The following NLGN1 variants were observed in gnomAD, a reference collection of about 807,000 sequenced individuals.
NLGN1 encodes neuroligin 1, also known as neuroligin-1.
A neutral mutation model predicts 65.5 loss-of-function variants in NLGN1; 12 were observed. The observed-to-expected ratio is 0.18, with a 90% CI of 0.12 to 0.30. The LOEUF (loss-of-function observed/expected upper bound fraction) is 0.30, where lower values mean the gene tolerates loss of function less well. Among genes scored for constraint, NLGN1 ranks in the 10% least tolerant of loss-of-function variants. The probability of loss-of-function intolerance (pLI) is 1.00; values close to 1 mark genes in which losing one functional copy is unlikely to be tolerated. For synonymous variants in NLGN1, 350 were observed against 359.5 expected (o/e 0.97, Z 0.30); for missense variants, 750 against 1,007.1 (o/e 0.74, Z 3.46).
chr3:173,501,161 T>C (rs1463707322), intron 2 of NLGN1, among the ~76,000 whole-genome samples: 1 of 152,116 alleles, frequency 6.6e-6, no homozygotes, highest in African/African-American at 2.4e-5. Context: ...GCAGGTTTGT[T>C]ACTTAGTGCC....
At chr3:174,147,714 C>T (rs939848404) in intron 4 of NLGN1, among the ~76,000 whole-genome samples, 3 of 151,860 alleles carry the variant, frequency 2.0e-5, no homozygotes, top group African/African-American at 7.3e-5. Context: ...CTGGATCTGG[C>T]CGAAAACGTG....
intron 3 of NLGN1, among the ~76,000 whole-genome samples, chr3:173,672,664 T>A (rs1448924214): frequency 6.6e-6 from 1 of 152,198 alleles, no homozygotes; most frequent in Non-Finnish European, 1.5e-5. Context: ...TCTTCCTCTT[T>A]CTTCTCTCCT....
intron 3 of NLGN1, among the ~76,000 whole-genome samples, chr3:173,676,040 G>C (rs1171911949): frequency 2.0e-5 from 3 of 151,902 alleles, no homozygotes; most frequent in African/African-American, 7.3e-5. Context: ...TAGGAAATGG[G>C]TAAAGTGTGC....
chr3:173,721,890 A>G (rs1770889028), intron 3 of NLGN1, among the ~76,000 whole-genome samples: 1 of 151,380 alleles, frequency 6.6e-6, no homozygotes, highest in Non-Finnish European at 1.5e-5. Flanking sequence ...GTATGCTTTG[A>G]TGCTGAGAAG....
intron 3 of NLGN1, 26 bp from the exon 4 acceptor site, chr3:173,807,654 A>C: frequency 6.2e-7 from 1 of 1,609,552 alleles, no homozygotes; most frequent in Non-Finnish European, 8.5e-7. Flanking sequence ...GAGGATAAGA[A>C]CGATTGCCAA....
intron 4 of NLGN1, among the ~76,000 whole-genome samples, chr3:174,219,341 T>G (rs1167646790): frequency 6.6e-6 from 1 of 152,118 alleles, no homozygotes; most frequent in African/African-American, 2.4e-5. Context: ...TTTCCAGTCC[T>G]CAGTATCTTA....
In NLGN1 at chr3:173,852,132, G is replaced by A. The variant is rs534910084; in HGVS notation, c.646+44300G>A. 9.9e-5 allele frequency among the ~76,000 whole-genome samples: 15 copies of A among 151,428 alleles called. No individual in the cohort carries two copies. In the East Asian group the frequency reaches 2.0e-3, roughly 20 times the overall value. ...AGCACTTTGGGAGGCCGAGGCGGGCGGATCACGAGGTCAGGAGATCGAGAC... is the reference window on the plus strand; with the variant it reads ...AGCACTTTGGGAGGCCGAGGCGGGCAGATCACGAGGTCAGGAGATCGAGAC... On this transcript the variant is annotated intron_variant, in intron 4 of 6. Coordinates refer to ENST00000457714, the Ensembl canonical transcript of NLGN1.
At chr3:174,265,525 G>A (rs963969861) in intron 4 of NLGN1, among the ~76,000 whole-genome samples, 27 of 151,974 alleles carry the variant, frequency 1.8e-4, no homozygotes, top group Admixed American at 9.2e-4. Context: ...GCAATGCCTC[G>A]CCCTGTTTCG....
At chr3:174,114,430 G>A (rs1263623459) in intron 4 of NLGN1, among the ~76,000 whole-genome samples, 1 of 151,998 alleles carries the variant, frequency 6.6e-6, no homozygotes, top group Non-Finnish European at 1.5e-5. Flanking sequence ...ATTTTAAAAT[G>A]GCATATAAAC....
At chr3:174,130,370 G>A (rs749378422) in intron 4 of NLGN1, among the ~76,000 whole-genome samples, 10 of 151,960 alleles carry the variant, frequency 6.6e-5, no homozygotes, top group Non-Finnish European at 1.3e-4. Flanking sequence ...GTGAAATTCC[G>A]TCTCAAAAAA....
intron 2 of NLGN1, among the ~76,000 whole-genome samples, chr3:173,458,406 T>A (rs1258016795): frequency 6.6e-6 from 1 of 152,034 alleles, no homozygotes; most frequent in African/African-American, 2.4e-5. Context: ...CTCAGGTATC[T>A]CACCCTAAAG....
intron 3 of NLGN1, among the ~76,000 whole-genome samples, chr3:173,661,940 C>A (rs1453273943): frequency 1.3e-5 from 2 of 151,968 alleles, no homozygotes; most frequent in Admixed American, 1.3e-4. Context: ...CAGACCACAG[C>A]AGGACTTTAT....
chr3:173,589,773 C>G (rs988829172), intron 2 of NLGN1, among the ~76,000 whole-genome samples: 2 of 151,970 alleles, frequency 1.3e-5, no homozygotes, highest in African/African-American at 2.4e-5. Flanking sequence ...TTTTTTGTAA[C>G]CATAATGATT....
chr3:174,224,941 T>G (rs1334254432), intron 4 of NLGN1, among the ~76,000 whole-genome samples: 2 of 152,168 alleles, frequency 1.3e-5, no homozygotes, highest in African/African-American at 4.8e-5. Flanking sequence ...TTTAGAAGCT[T>G]GTTAGGAGTT....
At chr3:173,724,074 T>C (rs1771343281) in intron 3 of NLGN1, among the ~76,000 whole-genome samples, 2 of 152,146 alleles carry the variant, frequency 1.3e-5, no homozygotes, top group African/African-American at 2.4e-5. Flanking sequence ...AGTCTGCTAT[T>C]GGACATGATA....
intron 4 of NLGN1, among the ~76,000 whole-genome samples, chr3:174,191,900 TTAAG>T: frequency 6.6e-6 from 1 of 152,304 alleles, no homozygotes; most frequent in Middle Eastern, 3.4e-3. Context: ...GAAATTTACT[TTAAG>T]TAGGTTCCTT....
intron 4 of NLGN1, among the ~76,000 whole-genome samples, chr3:174,127,897 T>G (rs990093762): frequency 3.3e-5 from 5 of 152,172 alleles, no homozygotes; most frequent in African/African-American, 1.2e-4. Flanking sequence ...CCTGGTTGTC[T>G]GAATATAATA....
chr3:173,700,966 A>G (rs978734470), intron 3 of NLGN1, among the ~76,000 whole-genome samples: 1 of 152,128 alleles, frequency 6.6e-6, no homozygotes, highest in Non-Finnish European at 1.5e-5. Context: ...TCTACTAAAA[A>G]TACAAAAAAT....
chr3:173,487,006 A>G (rs1728278889), intron 2 of NLGN1, among the ~76,000 whole-genome samples: 1 of 151,736 alleles, frequency 6.6e-6, no homozygotes, highest in East Asian at 1.9e-4. Context: ...ATTGTAACTA[A>G]TATGTATGTT....
Sources: allele counts gnomAD v4.1 joint callset (sites outside exome capture counted in the v4.1 genomes callset), GRCh38; gene constraint gnomAD v4.1.1; transcripts MANE v1.5; gene names NCBI Gene and HGNC (gene_info 2026-07-23, HGNC 2026-07-21).